The following TMEM74 variants were observed in gnomAD, a reference collection of about 807,000 sequenced individuals.
The protein encoded by TMEM74 is transmembrane protein 74.
In TMEM74, 13 loss-of-function variants were observed where a neutral mutation model predicts 18.1. That is an observed-to-expected ratio of 0.72 (90% CI 0.47 to 1.14). TMEM74 has a LOEUF of 1.14. TMEM74 is among the 50% of genes most tolerant of loss of function. The probability of loss-of-function intolerance (pLI) is 0.00; values close to 1 mark genes in which losing one functional copy is unlikely to be tolerated. For missense variants in TMEM74, 372 were observed against 375.9 expected, an observed-to-expected ratio of 0.99 and a Z score of 0.09; for synonymous variants, 159 against 146.6, an observed-to-expected ratio of 1.08 and a Z score of -0.61.
intron 1 of TMEM74, among the ~76,000 whole-genome samples, chr8:108,662,410 C>T (rs118075938): frequency 0.011 from 1,681 of 152,200 alleles, 16 homozygotes; most frequent in Middle Eastern, 0.044. Context: ...ACAGGAAAGG[C>T]AGCAACTACT....
chr8:108,692,181 T>C lies in TMEM74; in HGVS notation n.120-36744A>G, dbSNP rs539909994. 7.9e-5 allele frequency among the ~76,000 whole-genome samples: 12 copies of C among 152,326 alleles called. No individual in the cohort carries two copies. In the East Asian group the frequency reaches 1.9e-3, roughly 24 times the overall value. ...GTATGTAAAGAGTTGCATGAAGTCA[T>C]AGTCAGGATCACACTATCTGCTGCC... is the stretch of plus-strand genomic sequence containing the variant. On this transcript the variant is annotated intron_variant and non_coding_transcript_variant, in intron 1 of 3. Coordinates refer to the TMEM74 transcript ENST00000518838.
chr8:108,769,031 G>C (rs985261542), intron 1 of TMEM74, among the ~76,000 whole-genome samples: 1 of 152,100 alleles, frequency 6.6e-6, no homozygotes, highest in Non-Finnish European at 1.5e-5. Context: ...GGCAGGGCAT[G>C]GAGGCTCACG....
intron 1 of TMEM74, among the ~76,000 whole-genome samples, chr8:108,669,584 G>A (rs1048777799): frequency 1.3e-5 from 2 of 152,150 alleles, no homozygotes; most frequent in African/African-American, 4.8e-5. Context: ...TAAGATATTA[G>A]CTTTGTTTTC....
intron 1 of TMEM74, among the ~76,000 whole-genome samples, chr8:108,671,816 A>T (rs77366209): frequency 0.018 from 2,736 of 152,270 alleles, 95 homozygotes; most frequent in African/African-American, 0.063. Context: ...AATTTGATAA[A>T]TTACTCTATA....
chr8:108,650,857 C>A (rs1812767576), intron 2 of TMEM74, among the ~76,000 whole-genome samples: 1 of 152,012 alleles, frequency 6.6e-6, no homozygotes, highest in African/African-American at 2.4e-5. Flanking sequence ...ATTATAGGCA[C>A]CTGCCACCAC....
At chr8:108,757,820 T>C (rs1241310765) in intron 1 of TMEM74, among the ~76,000 whole-genome samples, 1 of 152,086 alleles carries the variant, frequency 6.6e-6, no homozygotes, top group Middle Eastern at 3.4e-3. Context: ...AGGAGAAATG[T>C]CCCCTTAGCA....
intron 2 of TMEM74, among the ~76,000 whole-genome samples, chr8:108,612,469 C>T (rs1812343439): frequency 6.6e-6 from 1 of 152,082 alleles, no homozygotes; most frequent in Admixed American, 6.6e-5. Flanking sequence ...AGTTGCTTGC[C>T]AATTGCATGT....
At chr8:108,776,140 C>A (rs758991238), downstream of TMEM74, among the ~76,000 whole-genome samples, 4 of 152,188 alleles carry the variant, frequency 2.6e-5, no homozygotes, top group Non-Finnish European at 4.4e-5. Flanking sequence ...ATGTTAAAAA[C>A]AATTCAACCA....
At chr8:108,747,875 C>T (rs939810021) in intron 1 of TMEM74, among the ~76,000 whole-genome samples, 4 of 152,040 alleles carry the variant, frequency 2.6e-5, no homozygotes, top group East Asian at 3.9e-4. Flanking sequence ...CATCCACGTC[C>T]CTGCAAAGGA....
intron 1 of TMEM74, among the ~76,000 whole-genome samples, chr8:108,670,275 G>T (rs2935808): frequency 0.22 from 33,993 of 152,022 alleles, 3,985 homozygotes; most frequent in East Asian, 0.29. Flanking sequence ...CAATTCTAGT[G>T]CTGTGTTCAA....
intron 1 of TMEM74, among the ~76,000 whole-genome samples, chr8:108,678,178 CT>C (rs1813073182): frequency 6.6e-6 from 1 of 152,098 alleles, no homozygotes; most frequent in African/African-American, 2.4e-5. Context: ...CTTTTCATAA[CT>C]TTTAATCACA....
exon 4 of TMEM74, chr8:108,607,514 G>A (rs1488849196): frequency 6.6e-6 from 1 of 152,218 alleles, no homozygotes; most frequent in Non-Finnish European, 1.5e-5. Flanking sequence ...ACTATAAAAT[G>A]ATGGCCTGTT....
chr8:108,727,940 C>T (rs1813655274), intron 1 of TMEM74, among the ~76,000 whole-genome samples: 1 of 152,140 alleles, frequency 6.6e-6, no homozygotes, highest in African/African-American at 2.4e-5. Context: ...ATGGGAGTGA[C>T]AACTATGTCA....
intron 1 of TMEM74, among the ~76,000 whole-genome samples, chr8:108,726,250 A>G (rs577336381): frequency 1.1e-4 from 16 of 152,306 alleles, no homozygotes; most frequent in Admixed American, 9.8e-4. Context: ...CATTGAAAGC[A>G]GGAGGAAAGC....
chr8:108,622,161 C>G (rs895336247), intron 2 of TMEM74, among the ~76,000 whole-genome samples: 4 of 152,088 alleles, frequency 2.6e-5, no homozygotes, highest in Non-Finnish European at 4.4e-5. Context: ...CCCGGAAGTG[C>G]TGATGTTGCC....
At chr8:108,680,933 A>G (rs946996268) in intron 1 of TMEM74, among the ~76,000 whole-genome samples, 3 of 152,322 alleles carry the variant, frequency 2.0e-5, no homozygotes, top group East Asian at 1.9e-4. Context: ...GAAAGAGAAT[A>G]AAATACCTAG....
chr8:108,713,125 C>A (rs1465354322), intron 1 of TMEM74, among the ~76,000 whole-genome samples: 1 of 152,098 alleles, frequency 6.6e-6, no homozygotes, highest in East Asian at 1.9e-4. Flanking sequence ...CCTGGTGACT[C>A]TAGATTTGAA....
chr8:108,670,315 T>C (rs2130589203), intron 1 of TMEM74, among the ~76,000 whole-genome samples: 1 of 152,288 alleles, frequency 6.6e-6, no homozygotes, highest in East Asian at 1.9e-4. Flanking sequence ...TGAGTAGGCA[T>C]TGGGTCAGAA....
At chr8:108,702,419 G>A (rs535257267) in intron 1 of TMEM74, among the ~76,000 whole-genome samples, 16 of 151,246 alleles carry the variant, frequency 1.1e-4, no homozygotes, top group Admixed American at 3.9e-4. Context: ...CTTGACAAAG[G>A]AGGAAAGGAA....
Sources: gnomAD v4.1 joint callset for allele counts (sites outside exome capture counted in the v4.1 genomes callset) on GRCh38, gnomAD v4.1.1 for gene constraint, MANE v1.5 for transcripts, NCBI Gene and HGNC (gene_info 2026-07-23, HGNC 2026-07-21) for gene names.